MYRIP: variants seen among roughly 807,000 people sequenced by gnomAD.
The protein encoded by MYRIP is rab effector MyRIP.
In MYRIP, 49 loss-of-function variants were observed where a neutral mutation model predicts 98.0. The observed-to-expected ratio is 0.50, with a 90% CI of 0.40 to 0.63. The LOEUF (loss-of-function observed/expected upper bound fraction) is 0.63, where lower values mean the gene tolerates loss of function less well. Ranked by LOEUF, MYRIP falls within the 30% of genes least tolerant of loss-of-function variation. MYRIP has a pLI of 0.00. For synonymous variants in MYRIP, 404 were observed against 409.5 expected (o/e 0.99, Z 0.16); for missense variants, 1,004 against 1,058.2 (o/e 0.95, Z 0.71).
intron 3 of MYRIP, among the ~76,000 whole-genome samples, chr3:40,048,388 A>T (rs2088262194): frequency 6.6e-6 from 1 of 152,204 alleles, no homozygotes; most frequent in African/African-American, 2.4e-5. Context: ...TGGGCTATGA[A>T]TAATTATAAT....
chr3:40,028,086 C>A (rs1439851205), intron 2 of MYRIP, among the ~76,000 whole-genome samples: 1 of 152,112 alleles, frequency 6.6e-6, no homozygotes, highest in Non-Finnish European at 1.5e-5. Flanking sequence ...CTGCTACGCC[C>A]ATGGCAGACA....
chr3:39,836,244 C>T (rs988660456), intron 1 of MYRIP, among the ~76,000 whole-genome samples: 1 of 152,182 alleles, frequency 6.6e-6, no homozygotes. Flanking sequence ...TCCACATCCT[C>T]TCCAGCATCT....
intron 1 of MYRIP, among the ~76,000 whole-genome samples, chr3:39,867,541 A>G (rs994153481): frequency 2.6e-5 from 4 of 152,224 alleles, no homozygotes; most frequent in African/African-American, 9.6e-5. Flanking sequence ...GCCTACAGGT[A>G]TATGAAAAAG....
chr3:40,009,510 G>A (rs1441804390), intron 2 of MYRIP, among the ~76,000 whole-genome samples: 1 of 152,180 alleles, frequency 6.6e-6, no homozygotes, highest in African/African-American at 2.4e-5. Flanking sequence ...CCAAAGTGCT[G>A]GGATTACAGG....
intron 1 of MYRIP, among the ~76,000 whole-genome samples, chr3:39,886,713 G>T (rs1943313231): frequency 6.6e-6 from 1 of 150,926 alleles, no homozygotes; most frequent in South Asian, 2.1e-4. Flanking sequence ...CCTACAAAGA[G>T]ACTTAGACTC....
intron 1 of MYRIP, among the ~76,000 whole-genome samples, chr3:39,827,022 C>G (rs920322838): frequency 6.6e-6 from 1 of 152,124 alleles, no homozygotes; most frequent in Non-Finnish European, 1.5e-5. Context: ...TTTTTTCACC[C>G]CTTTACTTTC....
chr3:40,053,718 G>C (rs1398738060), intron 3 of MYRIP, among the ~76,000 whole-genome samples: 1 of 152,018 alleles, frequency 6.6e-6, no homozygotes, highest in African/African-American at 2.4e-5. Flanking sequence ...TGAGCCTCTG[G>C]GTCCCCTGCC....
At chr3:40,213,664 G>A (rs569867222) in intron 11 of MYRIP, among the ~76,000 whole-genome samples, 3 of 122,856 alleles carry the variant, frequency 2.4e-5, no homozygotes, top group South Asian at 6.3e-4. Context: ...GTAGATCTAC[G>A]GTAATGTGAC....
chr3:40,096,066 C>G (rs1188553263), intron 3 of MYRIP, among the ~76,000 whole-genome samples: 1 of 151,602 alleles, frequency 6.6e-6, no homozygotes, highest in African/African-American at 2.4e-5. Context: ...AGCACCCACA[C>G]CCCCAACCCT....
intron 13 of MYRIP, among the ~76,000 whole-genome samples, chr3:40,248,803 A>AAAAG (rs1182247091): frequency 2.0e-5 from 3 of 152,346 alleles, no homozygotes; most frequent in African/African-American, 7.2e-5. Flanking sequence ...TTCATAAACC[A>AAAAG]AAAGAATGCA....
intron 1 of MYRIP, among the ~76,000 whole-genome samples, chr3:39,882,302 C>T (rs1046837867): frequency 6.6e-6 from 1 of 152,000 alleles, no homozygotes; most frequent in African/African-American, 2.4e-5. Flanking sequence ...TGATCCTCTC[C>T]AAAATATCCT....
chr3:40,042,754 G>A (rs1234583724), intron 2 of MYRIP, among the ~76,000 whole-genome samples: 3 of 152,050 alleles, frequency 2.0e-5, no homozygotes, highest in African/African-American at 2.4e-5. Context: ...TAGTATAGAC[G>A]CTCCTTGATT....
At position 40,151,435 on chromosome 3, in the gene MYRIP, A is replaced by C. The variant is rs549713891; in HGVS notation, c.469+251A>C. Among the ~76,000 whole-genome samples the C allele has an allele frequency of 2.2e-4, 33 of 152,350 alleles. 1 individual carries two copies. The South Asian group carries it at 6.4e-3, about 30-fold the overall frequency. The stretch of plus-strand genomic sequence containing the variant: ...AGCTATGAAGACCAAGTACTTCTAC[A>C]AATTGTGATTATTTTAATCTCAGAT... On this transcript the variant is annotated intron_variant, in intron 4 of 16. Coordinates refer to ENST00000302541, the MANE Select transcript of MYRIP (RefSeq NM_015460.4).
At chr3:40,088,771 A>T (rs1347944254) in intron 3 of MYRIP, among the ~76,000 whole-genome samples, 1 of 152,168 alleles carries the variant, frequency 6.6e-6, no homozygotes, top group Non-Finnish European at 1.5e-5. Context: ...CCTGGTAGGG[A>T]GTAGGATTAT....
At chr3:39,864,973 G>A (rs1408487759) in intron 1 of MYRIP, among the ~76,000 whole-genome samples, 2 of 152,078 alleles carry the variant, frequency 1.3e-5, no homozygotes, top group Non-Finnish European at 2.9e-5. Flanking sequence ...CAATGGAATA[G>A]AATAAAGGGC....
chr3:40,195,366 C>T (rs1322403041), intron 10 of MYRIP, among the ~76,000 whole-genome samples: 1 of 152,136 alleles, frequency 6.6e-6, no homozygotes, highest in Non-Finnish European at 1.5e-5. Context: ...CACAACGGCT[C>T]ACTGCAGCCT....
At chr3:40,149,630 T>C (rs962574727) in intron 3 of MYRIP, among the ~76,000 whole-genome samples, 6 of 152,156 alleles carry the variant, frequency 3.9e-5, no homozygotes, top group Admixed American at 1.3e-4. Context: ...GGCCTCATTA[T>C]TGTCTACACA....
At chr3:39,851,374 A>G (rs953833516) in intron 1 of MYRIP, among the ~76,000 whole-genome samples, 11 of 152,164 alleles carry the variant, frequency 7.2e-5, no homozygotes, top group Non-Finnish European at 1.2e-4. Context: ...CCTGCTGAGA[A>G]TCACTGGTTT....
chr3:40,155,428 T>C (rs1475227403), intron 4 of MYRIP, among the ~76,000 whole-genome samples: 1 of 151,962 alleles, frequency 6.6e-6, no homozygotes, highest in Non-Finnish European at 1.5e-5. Flanking sequence ...TCTTTGCTAT[T>C]GTGAATAATG....
Sources: gnomAD v4.1 joint callset for allele counts (sites outside exome capture counted in the v4.1 genomes callset) on GRCh38, gnomAD v4.1.1 for gene constraint, MANE v1.5 for transcripts, NCBI Gene and HGNC (gene_info 2026-07-23, HGNC 2026-07-21) for gene names.